Variants in SENP7 observed in about 807,000 individuals in gnomAD.
SENP7 encodes the protein sentrin-specific protease 7.
A neutral mutation model predicts 141.2 loss-of-function variants in SENP7; 64 were observed. The observed-to-expected ratio is 0.45, with a 90% CI of 0.37 to 0.56. SENP7 has a LOEUF of 0.56. SENP7 is among the 20% of genes least tolerant of loss of function. The pLI, the probability that SENP7 is intolerant of heterozygous loss-of-function variation, is 0.00. For synonymous variants in SENP7, 382 were observed against 426.4 expected, an observed-to-expected ratio of 0.90 and a Z score of 1.28; for missense variants, 1,025 against 1,212.2, an observed-to-expected ratio of 0.85 and a Z score of 2.29.
At chr3:101,367,544 C>T (rs146546550) in intron 8 of SENP7, among the ~76,000 whole-genome samples, 78 of 152,036 alleles carry the variant, frequency 5.1e-4, no homozygotes, top group African/African-American at 1.8e-3. Context: ...AAAGAAAAGT[C>T]TGAAGGATGT....
chr3:101,335,055 T>G (rs2059149422), intron 17 of SENP7, among the ~76,000 whole-genome samples: 1 of 152,052 alleles, frequency 6.6e-6, no homozygotes, highest in African/African-American at 2.4e-5. Flanking sequence ...TAGCTTCAAA[T>G]GAGAAACAGA....
intron 2 of SENP7, among the ~76,000 whole-genome samples, chr3:101,496,314 G>A (rs1194194356): frequency 6.6e-6 from 1 of 152,172 alleles, no homozygotes; most frequent in Non-Finnish European, 1.5e-5. Flanking sequence ...GGTGTGTAGT[G>A]ACTCAAACAT....
intron 4 of SENP7, among the ~76,000 whole-genome samples, chr3:101,448,275 T>G (rs1353159215): frequency 6.6e-6 from 1 of 152,116 alleles, no homozygotes; most frequent in Non-Finnish European, 1.5e-5. Context: ...ACTTTTATGT[T>G]TCAAAGGACA....
intron 2 of SENP7, among the ~76,000 whole-genome samples, chr3:101,494,596 T>C (rs2065091590): frequency 6.6e-6 from 1 of 151,944 alleles, no homozygotes; most frequent in Middle Eastern, 3.2e-3. Flanking sequence ...ACAGAATCAA[T>C]GGAACAGACC....
At chr3:101,420,285 G>A (rs746411584) in intron 4 of SENP7, among the ~76,000 whole-genome samples, 2 of 152,034 alleles carry the variant, frequency 1.3e-5, no homozygotes, top group African/African-American at 2.4e-5. Context: ...AGAGAATGGC[G>A]TGAACCCAGG....
chr3:101,451,231 A>C (rs1437874716), intron 4 of SENP7, among the ~76,000 whole-genome samples: 2 of 152,164 alleles, frequency 1.3e-5, no homozygotes, highest in Admixed American at 1.3e-4. Context: ...TTAGTAGCTT[A>C]CCAACCCAAA....
chr3:101,502,187 G>A (rs931083030), intron 1 of SENP7, among the ~76,000 whole-genome samples: 2 of 152,212 alleles, frequency 1.3e-5, no homozygotes. Flanking sequence ...TGATGACTGG[G>A]TGTTCACACG....
At chr3:101,503,772 C>T (rs905522029) in intron 1 of SENP7, among the ~76,000 whole-genome samples, 6 of 151,804 alleles carry the variant, frequency 4.0e-5, no homozygotes, top group Admixed American at 2.6e-4. Context: ...AGGGTGAAAC[C>T]CCGTCTGCAT....
chr3:101,513,184 CGG>C lies in SENP7; in HGVS notation c.-56_-55del. 7 of 1,130,532 alleles carry C rather than the reference CGG, an allele frequency of 6.2e-6. No homozygotes were observed. Among genetic ancestry groups the C allele is most frequent in the Non-Finnish European group, 9.2e-6 (7 of 763,930 alleles). 70.0% of individuals were successfully genotyped at this position (1,130,532 alleles called of 1,614,324 possible). On this transcript the variant is annotated 5_prime_UTR_variant, in exon 1 of 24. Transcript: ENST00000394095. ...AGGCGCTGTCACCTCAGGACCCCTCCGGCTTGGAGAGGGAGGGGGAGGGGAAA... is the reference window on the plus strand; with the variant it reads ...AGGCGCTGTCACCTCAGGACCCCTCCCTTGGAGAGGGAGGGGGAGGGGAAA...
At chr3:101,417,922 A>T (rs1368887335) in intron 4 of SENP7, 132 bp from the exon 5 acceptor site, 5 of 671,404 alleles carry the variant, frequency 7.4e-6, no homozygotes, top group Admixed American at 3.1e-5. Context: ...CCCTAAGAAA[A>T]AAGAAAAAAT....
intron 4 of SENP7, among the ~76,000 whole-genome samples, chr3:101,448,348 G>A (rs1376625949): frequency 7.9e-5 from 12 of 152,212 alleles, no homozygotes; most frequent in African/African-American, 2.9e-4. Flanking sequence ...TCATATACCT[G>A]ATAAGGGACT....
intron 6 of SENP7, among the ~76,000 whole-genome samples, chr3:101,388,253 T>C (rs1390367210): frequency 2.0e-5 from 3 of 151,930 alleles, no homozygotes; most frequent in Admixed American, 6.6e-5. Context: ...GACCAGCACA[T>C]CCAGCCTGCC....
Position 101,432,165 on chromosome 3 carries a change from G to T in SENP7, c.285-14375C>A, listed in dbSNP as rs545050984. ...AGGTAGTCTGGCCATACTCCTTGTG[G>T]CCTGGGATAGCAATGGCTATGGGGT... On this transcript the variant is annotated intron_variant, in intron 4 of 23. Coordinates refer to ENST00000394095, the MANE Select transcript of SENP7 (RefSeq NM_020654.5). Among the ~76,000 whole-genome samples, 114 of 152,312 alleles carry T rather than the reference G, an allele frequency of 7.5e-4. 1 individual carries two copies. Among genetic ancestry groups the T allele is most frequent in the East Asian group, 4.6e-3 (24 of 5,180 alleles).
At chr3:101,433,401 G>C (rs1242137655) in intron 4 of SENP7, among the ~76,000 whole-genome samples, 2 of 149,658 alleles carry the variant, frequency 1.3e-5, no homozygotes, top group African/African-American at 4.9e-5. Context: ...TTAACAAAAT[G>C]GCAGGAAATA....
chr3:101,385,731 A>G (rs1382308459), intron 6 of SENP7, among the ~76,000 whole-genome samples: 1 of 152,234 alleles, frequency 6.6e-6, no homozygotes, highest in East Asian at 1.9e-4. Context: ...AGTCATCTAG[A>G]GAACCCAACA....
Position 101,466,875 on chromosome 3 carries a change from C to T in SENP7, c.187-7823G>A, listed in dbSNP as rs1231266705. On this transcript the variant is annotated intron_variant, in intron 3 of 23. Coordinates refer to ENST00000394095, the MANE Select transcript of SENP7 (RefSeq NM_020654.5). Reference sequence around the variant, plus strand: ...TCACAGAGGGCAAGCTGAAGCAGGGCGGGGAGTCGCCTCACCCGGGAAGTG... The same window carrying T: ...TCACAGAGGGCAAGCTGAAGCAGGGTGGGGAGTCGCCTCACCCGGGAAGTG... Among the ~76,000 whole-genome samples the T allele has an allele frequency of 5.9e-5, 9 of 152,146 alleles. No homozygotes were observed. The East Asian group carries it at 1.2e-3, about 20-fold the overall frequency.
intron 5 of SENP7, among the ~76,000 whole-genome samples, chr3:101,412,565 T>C (rs2061486209): frequency 1.3e-5 from 2 of 152,106 alleles, no homozygotes; most frequent in African/African-American, 4.8e-5. Context: ...TTTAAACACA[T>C]ATAAATTTAA....
intron 4 of SENP7, among the ~76,000 whole-genome samples, chr3:101,451,122 T>C (rs2063117453): frequency 6.6e-6 from 1 of 152,026 alleles, no homozygotes; most frequent in African/African-American, 2.4e-5. Context: ...CTAGAAGAAA[T>C]GGATAAATTC....
At chr3:101,489,309 C>A (rs191197146) in intron 3 of SENP7, among the ~76,000 whole-genome samples, 52 of 152,264 alleles carry the variant, frequency 3.4e-4, no homozygotes, top group African/African-American at 1.2e-3. Context: ...TCTCACATAT[C>A]AATACTAATC....
Sources: allele counts gnomAD v4.1 joint callset (sites outside exome capture counted in the v4.1 genomes callset), GRCh38; gene constraint gnomAD v4.1.1; transcripts MANE v1.5; gene names NCBI Gene and HGNC (gene_info 2026-07-23, HGNC 2026-07-21).